CTNND2: variants seen among roughly 807,000 people sequenced by gnomAD.
The protein encoded by CTNND2 is catenin delta-2.
CTNND2 carries 22 observed loss-of-function variants against 144.4 expected under a neutral mutation model. The ratio of observed to expected loss-of-function variants is 0.15; its 90% confidence interval spans 0.11 to 0.22. CTNND2 has a LOEUF of 0.22. Among genes scored for constraint, CTNND2 ranks in the 10% least tolerant of loss-of-function variants. The pLI, the probability that CTNND2 is intolerant of heterozygous loss-of-function variation, is 1.00. For missense variants in CTNND2, 1,353 were observed against 1,618.8 expected (o/e 0.84, Z 2.82); for synonymous variants, 751 against 695.6 (o/e 1.08, Z -1.25).
intron 15 of CTNND2, among the ~76,000 whole-genome samples, chr5:11,090,616 G>A (rs1253794075): frequency 6.6e-6 from 1 of 152,132 alleles, no homozygotes; most frequent in Admixed American, 6.5e-5. Flanking sequence ...ATGATCTGAG[G>A]TGGAACAGTT....
rs761791721 is a variant in CTNND2 at position 11,199,642 on chromosome 5, A to G, written c.1781T>C (p.Ile594Thr). The G allele has an allele frequency of 1.2e-6, 2 of 1,614,092 alleles. No individual in the cohort carries two copies. The highest frequency in any genetic ancestry group is 1.7e-6 in the Non-Finnish European group (2 of 1,179,996). ...IKAEIRRQGG[I>T]QLLVDLLDHR... ...ATCCAACAGGTCCACCAGGAGCTGG[A>G]TGCCTCCTTGTCTCCTTATCTGAAA... The change falls in exon 11 of 22, where the codon ATC becomes ACC. Residue 594 changes from isoleucine (I) to threonine (T), a missense_variant. Ile to Thr is a moderately conservative substitution (Grantham distance 89). Coordinates refer to ENST00000304623, the MANE Select transcript of CTNND2 (RefSeq NM_001332.4).
At chr5:11,852,262 A>T (rs945690461) in intron 1 of CTNND2, among the ~76,000 whole-genome samples, 6 of 152,188 alleles carry the variant, frequency 3.9e-5, no homozygotes, top group Non-Finnish European at 5.9e-5. Context: ...AAAGGTGATT[A>T]TTCAAAGTCT....
chr5:11,561,407 C>T (rs1384702763), intron 3 of CTNND2, among the ~76,000 whole-genome samples: 1 of 152,172 alleles, frequency 6.6e-6, no homozygotes, highest in Non-Finnish European at 1.5e-5. Context: ...AAACCTTTAG[C>T]TCTAATAAAA....
chr5:11,775,123 C>A (rs964907553), intron 1 of CTNND2, among the ~76,000 whole-genome samples: 2 of 152,074 alleles, frequency 1.3e-5, no homozygotes, highest in East Asian at 3.9e-4. Flanking sequence ...GAGAAAAGTG[C>A]GGTTTTTACC....
At chr5:11,101,887 A>ATGTGTGTGTGTGTG (rs201704440) in intron 14 of CTNND2, among the ~76,000 whole-genome samples, 7,370 of 145,112 alleles carry the variant, frequency 0.051, 230 homozygotes, top group African/African-American at 0.058. Flanking sequence ...ACGACCACAT[A>ATGTGTGTGTGTGTG]TGTGTGTGTG....
At chr5:11,636,033 C>G (rs115233736) in intron 2 of CTNND2, among the ~76,000 whole-genome samples, 3 of 149,890 alleles carry the variant, frequency 2.0e-5, no homozygotes, top group South Asian at 2.1e-4. Context: ...AATCCCCCCC[C>G]ACCCCCGCCA....
chr5:11,386,852 T>G (rs1488016664), intron 6 of CTNND2, among the ~76,000 whole-genome samples: 3 of 152,104 alleles, frequency 2.0e-5, no homozygotes, highest in Non-Finnish European at 2.9e-5. Flanking sequence ...GTCTTATATG[T>G]GGAGGATGGG....
rs756637217 is a variant in CTNND2, at chr5:11,565,014, G to A, written c.217C>T (p.Arg73Trp). The A allele has an allele frequency of 2.5e-6, 4 of 1,613,942 alleles. No individual in the cohort carries two copies. The highest frequency in any genetic ancestry group is 1.7e-5 in the Admixed American group (1 of 60,004). The change falls in exon 3 of 22, where the codon CGG (arginine) becomes TGG (tryptophan). Residue 73 changes from arginine (R) to tryptophan (W), a missense_variant. Transcript: ENST00000304623. ...ERLTRELEAE[R>W]QIVASQLERC... ...TCCAGCTGGCTGGCTACGATCTGCC[G>A]TTCAGCCTCCAGCTCTCGGGTCAGC... is the stretch of plus-strand genomic sequence containing the variant.
intron 3 of CTNND2, among the ~76,000 whole-genome samples, chr5:11,539,879 CA>C (rs1581445180): frequency 6.6e-6 from 1 of 151,980 alleles, no homozygotes; most frequent in Admixed American, 6.6e-5. Context: ...GCTAAATATA[CA>C]AAAATTAGCT....
At position 11,285,695 on chromosome 5, in the gene CTNND2, C is replaced by T. The variant is rs554368872; in HGVS notation, c.1629-48872G>A. Among the ~76,000 whole-genome samples the T allele has an allele frequency of 2.2e-3, 342 of 152,158 alleles. 2 individuals are homozygous for T. Among genetic ancestry groups the T allele is most frequent in the South Asian group, 6.9e-3 (33 of 4,812 alleles). On this transcript the variant is annotated intron_variant, in intron 9 of 21. Coordinates refer to ENST00000304623, the MANE Select transcript of CTNND2 (RefSeq NM_001332.4). ...TTTGGGTACAGGGAGCCTGAGATAC[C>T]GCTCCTTCCTTTTGCTCCAATTCTT...
chr5:11,139,460 T>C (rs1756488090), intron 12 of CTNND2, among the ~76,000 whole-genome samples: 1 of 152,246 alleles, frequency 6.6e-6, no homozygotes, highest in African/African-American at 2.4e-5. Flanking sequence ...ACTTGAATCT[T>C]TGCTCACCTC....
At chr5:11,827,559 AAGAT>A (rs1793665970) in intron 1 of CTNND2, among the ~76,000 whole-genome samples, 1 of 152,342 alleles carries the variant, frequency 6.6e-6, no homozygotes. Context: ...AAGCAAGAAA[AAGAT>A]AGAGAAAACA....
intron 1 of CTNND2, among the ~76,000 whole-genome samples, chr5:11,793,554 C>T (rs1318148665): frequency 6.6e-6 from 1 of 152,204 alleles, no homozygotes; most frequent in East Asian, 1.9e-4. Context: ...AATATGGACA[C>T]AGACATGTGC....
At chr5:11,756,460 A>G (rs1167437957) in intron 1 of CTNND2, among the ~76,000 whole-genome samples, 1 of 151,786 alleles carries the variant, frequency 6.6e-6, no homozygotes, top group Non-Finnish European at 1.5e-5. Flanking sequence ...AAAATTACAC[A>G]GTATCTGGCT....
At chr5:11,853,921 G>T (rs754405756) in intron 1 of CTNND2, among the ~76,000 whole-genome samples, 1 of 152,104 alleles carries the variant, frequency 6.6e-6, no homozygotes, top group Non-Finnish European at 1.5e-5. Flanking sequence ...TGGTCTCTCC[G>T]TGTCCACCAC....
intron 3 of CTNND2, among the ~76,000 whole-genome samples, chr5:11,490,122 A>G (rs1043683505): frequency 1.2e-4 from 19 of 152,212 alleles, no homozygotes; most frequent in Non-Finnish European, 2.8e-4. Context: ...TTATTGTTTT[A>G]ACATTTGGCT....
chr5:11,232,575 T>G (rs1741149461), intron 10 of CTNND2, among the ~76,000 whole-genome samples: 2 of 152,250 alleles, frequency 1.3e-5, no homozygotes, highest in African/African-American at 4.8e-5. Flanking sequence ...TTGGAAAAGA[T>G]GTATTTACCC....
intron 2 of CTNND2, among the ~76,000 whole-genome samples, chr5:11,602,551 C>G (rs190138870): frequency 6.6e-6 from 1 of 151,444 alleles, no homozygotes. Flanking sequence ...CACTGAACCA[C>G]TGGGGGCACT....
chr5:10,999,465 T>G (rs958207486), intron 18 of CTNND2, among the ~76,000 whole-genome samples: 2 of 152,132 alleles, frequency 1.3e-5, no homozygotes, highest in African/African-American at 4.8e-5. Flanking sequence ...AGGGGTTAGA[T>G]AAGAAAGCCC....
Sources: gnomAD v4.1 joint callset for allele counts (sites outside exome capture counted in the v4.1 genomes callset) on GRCh38, gnomAD v4.1.1 for gene constraint, MANE v1.5 for transcripts, NCBI Gene and HGNC (gene_info 2026-07-23, HGNC 2026-07-21) for gene names.